The following RTKN2 variants were observed in gnomAD, a reference collection of about 807,000 sequenced individuals.
The protein encoded by RTKN2 is rhotekin-2.
RTKN2 carries 69 observed loss-of-function variants against 71.5 expected under a neutral mutation model. The observed-to-expected ratio is 0.96, with a 90% confidence interval of 0.79 to 1.18. The LOEUF is 1.18. Among genes scored for constraint, RTKN2 ranks in the 50% most tolerant of loss-of-function variants. RTKN2 has a pLI of 0.00. For missense variants in RTKN2, 724 were observed against 719.7 expected, an observed-to-expected ratio of 1.01 and a Z score of -0.07; for synonymous variants, 236 against 236.5, an observed-to-expected ratio of 1.00 and a Z score of 0.02.
intron 2 of RTKN2, among the ~76,000 whole-genome samples, chr10:62,247,630 A>T (rs1842503828): frequency 6.6e-6 from 1 of 151,968 alleles, no homozygotes; most frequent in African/African-American, 2.4e-5. Context: ...GTCAGAGAAG[A>T]TTATCTTGCT....
chr10:62,221,852 G>C (rs536707451), intron 7 of RTKN2, among the ~76,000 whole-genome samples: 2 of 152,174 alleles, frequency 1.3e-5, no homozygotes, highest in East Asian at 3.9e-4. Flanking sequence ...GGAAAAGAGG[G>C]AACAATGCTA....
intron 3 of RTKN2, among the ~76,000 whole-genome samples, chr10:62,241,996 GCTGC>G (rs1452691564): frequency 1.3e-5 from 2 of 149,108 alleles, no homozygotes; most frequent in African/African-American, 5.0e-5. Flanking sequence ...ACTGTGCCTG[GCTGC>G]CTAATTATTA....
At chr10:62,217,305 T>A in intron 8 of RTKN2, 56 bp from the exon 9 acceptor site, 4 of 1,176,114 alleles carry the variant, frequency 3.4e-6, no homozygotes, top group Non-Finnish European at 2.4e-6. Flanking sequence ...ATTATCACTT[T>A]AAATACATCA....
chr10:62,261,305 T>C (rs1422453770), intron 2 of RTKN2, among the ~76,000 whole-genome samples: 1 of 152,126 alleles, frequency 6.6e-6, no homozygotes, highest in East Asian at 1.9e-4. Context: ...GTAAATATTA[T>C]CATGCCCACT....
rs1045148785 is a variant in RTKN2, at chr10:62,193,126, C to G, written c.*4782G>C. ...ATTAAGATTAAGTTCTACAAAAATG[C>G]ATCCATTCATAATTTTGAGTAGATA... On this transcript the variant is annotated 3_prime_UTR_variant, in exon 12 of 12. Transcript: ENST00000373789. 2 of 568,060 alleles carry G rather than the reference C, an allele frequency of 3.5e-6. No individual in the cohort carries two copies. Among genetic ancestry groups the G allele is most frequent in the African/African-American group, 4.0e-5 (2 of 49,434 alleles). The allele number at this position is 568,060 out of a possible 1,614,324, so 35.2% of individuals were successfully genotyped here.
intron 5 of RTKN2, among the ~76,000 whole-genome samples, chr10:62,237,616 C>A (rs1564518251): frequency 6.6e-6 from 1 of 151,418 alleles, no homozygotes; most frequent in African/African-American, 2.4e-5. Context: ...ACTGTTCTTC[C>A]AAAAAAAATC....
intron 3 of RTKN2, among the ~76,000 whole-genome samples, chr10:62,244,769 T>A (rs1391824029): frequency 5.3e-5 from 8 of 152,174 alleles, no homozygotes; most frequent in African/African-American, 1.9e-4. Context: ...TAAATAACTA[T>A]AAAACAAGCA....
chr10:62,253,493 G>T lies in RTKN2; in HGVS notation c.258-7436C>A, dbSNP rs910819944. ...ACACAGTCATTAACACAGATCTTTCGAACTCCTTTGGCTAACTTTACACCC... is the reference window on the plus strand; with the variant it reads ...ACACAGTCATTAACACAGATCTTTCTAACTCCTTTGGCTAACTTTACACCC... On this transcript the variant is annotated intron_variant, in intron 2 of 11. Transcript: ENST00000373789. Among the ~76,000 whole-genome samples the T allele has an allele frequency of 2.6e-5, 4 of 152,014 alleles. No individual in the cohort carries two copies. The East Asian group carries it at 7.7e-4, about 29-fold the overall frequency.
Position 62,230,162 on chromosome 10 carries a change from C to A in RTKN2, c.686+5904G>T, listed in dbSNP as rs1265816693. 2.6e-5 allele frequency among the ~76,000 whole-genome samples: 4 copies of A among 151,910 alleles called. No homozygotes were observed. In the East Asian group the frequency reaches 7.7e-4, roughly 29 times the overall value. ...CTATTTCCAAGTTTCTATTATTTTT[C>A]TTTTTTTCTTTTTCTTTTTGTATTT... On this transcript the variant is annotated intron_variant, in intron 6 of 11. Transcript: ENST00000373789.
Position 62,236,098 on chromosome 10 carries a change from A to G in RTKN2, c.654T>C (p.Asp218=), listed in dbSNP as rs1446458266. 3 of 1,612,686 alleles carry G rather than the reference A, an allele frequency of 1.9e-6. No individual in the cohort carries two copies. Among genetic ancestry groups the G allele is most frequent in the Non-Finnish European group, 1.7e-6 (2 of 1,179,192 alleles). The change falls in exon 6 of 12, where the codon GAT becomes GAC. Residue 218 remains aspartate, a synonymous_variant. Coordinates refer to ENST00000373789, the MANE Select transcript of RTKN2 (RefSeq NM_145307.4). ...CAGAGCTGAGGAGCAAGCACATTTC[A>G]TCATCCTCTTCTTGAAGCACTGAAC... is the stretch of plus-strand genomic sequence containing the variant. ...KISSVLQEED[D]EMCLLLSSAV...
At chr10:62,233,732 A>AGATTGAAAGACAC (rs1178514966) in intron 6 of RTKN2, among the ~76,000 whole-genome samples, 2 of 152,196 alleles carry the variant, frequency 1.3e-5, no homozygotes, top group African/African-American at 4.8e-5. Context: ...CAATCCAAAG[A>AGATTGAAAGACAC]GATTGAAAGA....
chr10:62,240,842 C>T (rs1003094538), intron 4 of RTKN2, among the ~76,000 whole-genome samples: 1 of 152,144 alleles, frequency 6.6e-6, no homozygotes, highest in African/African-American at 2.4e-5. Context: ...TACCTTTATT[C>T]GCTAAACATT....
At position 62,198,273 on chromosome 10, in the gene RTKN2, G is replaced by C; in HGVS notation, c.1465C>G (p.Pro489Ala). ...TCATCATGTAATGGCTCACTTGCAG[G>C]ATACAGTACCTTTTTCTGGATGACC... ...QMVIQKKVLY[P>A]ASEPLHDEKG... The change falls in exon 12 of 12, where the codon CCT (proline) becomes GCT (alanine). Residue 489 changes from proline to alanine, a missense_variant. Transcript: ENST00000373789. The C allele has an allele frequency of 6.2e-7, 1 of 1,613,896 alleles. No homozygotes were observed. The highest frequency in any genetic ancestry group is 8.5e-7 in the Non-Finnish European group (1 of 1,179,910).
chr10:62,223,912 C>T (rs1182368124), intron 6 of RTKN2, among the ~76,000 whole-genome samples: 1 of 151,940 alleles, frequency 6.6e-6, no homozygotes, highest in Non-Finnish European at 1.5e-5. Context: ...TAGAAGAAAC[C>T]CAAGTGTCTA....
At chr10:62,230,315 G>T (rs1240915444) in intron 6 of RTKN2, among the ~76,000 whole-genome samples, 1 of 152,076 alleles carries the variant, frequency 6.6e-6, no homozygotes, top group Non-Finnish European at 1.5e-5. Flanking sequence ...AGGATTACAG[G>T]CGCTCACCAC....
rs1354066328 is a variant in RTKN2 at position 62,195,601 on chromosome 10, G to GGGAAGGAAGGAAGGAAGGAA, written c.*2306_*2307insTTCCTTCCTTCCTTCCTTCC. On this transcript the variant is annotated 3_prime_UTR_variant, in exon 12 of 12. Transcript: ENST00000373789. The stretch of plus-strand genomic sequence containing the variant: ...AAGGAGGGAAGGAGAGACGGACAGA[G>GGGAAGGAAGGAAGGAAGGAA]GGAATGAAGGAAGGAAGGAAGGAAG... 20 of 522,768 alleles carry GGGAAGGAAGGAAGGAAGGAA rather than the reference G, an allele frequency of 3.8e-5. No individual in the cohort carries two copies. The highest frequency in any genetic ancestry group is 1.9e-4 in the Admixed American group (2 of 10,780). The allele number at this position is 522,768 out of a possible 1,614,324, so 32.4% of individuals were successfully genotyped here. A position where few individuals can be genotyped will look rare whatever the true frequency, so the allele number is the denominator to read the frequency against.
intron 9 of RTKN2, among the ~76,000 whole-genome samples, chr10:62,212,181 G>T (rs1351105016): frequency 6.6e-6 from 1 of 151,582 alleles, no homozygotes; most frequent in Non-Finnish European, 1.5e-5. Flanking sequence ...TAGCTGTTTT[G>T]TAGGCACTAC....
chr10:62,205,000 T>C lies in RTKN2; in HGVS notation c.1043A>G (p.Asp348Gly), dbSNP rs769678425. 3.0e-5 allele frequency: 48 copies of C among 1,587,936 alleles called. No individual in the cohort carries two copies. The highest frequency in any genetic ancestry group is 1.7e-4 in the Middle Eastern group (1 of 6,038). ...INKETRIRAM[D>G]KDAKKRIHNF... Reference sequence around the variant, plus strand: ...ATGGATTCTTTTCTTGGCATCCTTATCCATTGCCCGGATTCTGGTTTCCTA... The same window carrying C: ...ATGGATTCTTTTCTTGGCATCCTTACCCATTGCCCGGATTCTGGTTTCCTA... Residue 348 changes from aspartate (D) to glycine (G), a missense_variant, in exon 10 of 12, where the codon GAT (aspartate) becomes GGT (glycine). Physicochemically the swap from Asp to Gly is moderately conservative, Grantham distance 94 (BLOSUM62 -1). Transcript: ENST00000373789.
intron 10 of RTKN2, among the ~76,000 whole-genome samples, chr10:62,201,111 T>C (rs1164632854): frequency 6.6e-6 from 1 of 152,138 alleles, no homozygotes; most frequent in Non-Finnish European, 1.5e-5. Flanking sequence ...GTTACTGAGG[T>C]TCACCTTCTT....
Sources: gnomAD v4.1 joint callset for allele counts (sites outside exome capture counted in the v4.1 genomes callset) on GRCh38, gnomAD v4.1.1 for gene constraint, MANE v1.5 for transcripts, NCBI Gene and HGNC (gene_info 2026-07-23, HGNC 2026-07-21) for gene names.